KIF26B: variants seen among roughly 807,000 people sequenced by gnomAD.
The protein encoded by KIF26B is kinesin family member 26B.
KIF26B carries 63 observed loss-of-function variants against 151.2 expected under a neutral mutation model. The observed-to-expected ratio is 0.42, with a 90% CI of 0.34 to 0.51. The LOEUF is 0.51. Ranked by LOEUF, KIF26B falls within the 20% of genes least tolerant of loss-of-function variation. The probability of loss-of-function intolerance (pLI) is 0.07; values close to 1 mark genes in which losing one functional copy is unlikely to be tolerated. For missense variants in KIF26B, 2,813 were observed against 2,913.6 expected (o/e 0.97, Z 0.79); for synonymous variants, 1,357 against 1,262.1 (o/e 1.08, Z -1.59).
rs1669891210 is a variant in KIF26B at position 245,227,069 on chromosome 1, C to G, written c.465+70386C>G. Among the ~76,000 whole-genome samples, 1 of 152,200 alleles carries G rather than the reference C, an allele frequency of 6.6e-6. No homozygotes were observed. Among genetic ancestry groups the G allele is most frequent in the Admixed American group, 6.5e-5 (1 of 15,290 alleles). Reference sequence around the variant, plus strand: ...GGTGCACCATTCACTCAGTCCACCCCTAGCACGGGCCAGTCCTATGTCGTT... The same window carrying G: ...GGTGCACCATTCACTCAGTCCACCCGTAGCACGGGCCAGTCCTATGTCGTT... On this transcript the variant is annotated intron_variant, in intron 2 of 14. Coordinates refer to ENST00000407071, the MANE Select transcript of KIF26B (RefSeq NM_018012.4). The surrounding 1 kb of genome is among the most constrained non-coding windows in gnomAD (Gnocchi z 4.1).
intron 12 of KIF26B, among the ~76,000 whole-genome samples, chr1:245,693,201 A>G (rs2044649130): frequency 6.6e-6 from 1 of 152,096 alleles, no homozygotes; most frequent in Non-Finnish European, 1.5e-5. Context: ...CTTGGTCTGA[A>G]TTAAATTCAT....
chr1:245,454,914 G>A (rs1441118844), intron 4 of KIF26B, among the ~76,000 whole-genome samples: 4 of 152,152 alleles, frequency 2.6e-5, no homozygotes, highest in Non-Finnish European at 5.9e-5. Flanking sequence ...TGTAAAGCTG[G>A]AGTCTCAGTT....
At chr1:245,553,386 C>T (rs1661939268) in intron 5 of KIF26B, among the ~76,000 whole-genome samples, 2 of 152,112 alleles carry the variant, frequency 1.3e-5, no homozygotes, top group East Asian at 1.9e-4. Context: ...TCCTGGCTGG[C>T]GTGCTGCAGC....
At chr1:245,228,308 A>G (rs1223309979) in intron 2 of KIF26B, among the ~76,000 whole-genome samples, 1 of 152,160 alleles carries the variant, frequency 6.6e-6, no homozygotes, top group Non-Finnish European at 1.5e-5. Flanking sequence ...ATCTCCAGGT[A>G]TCTTCCCATG....
At chr1:245,480,518 G>C (rs540156621) in intron 4 of KIF26B, among the ~76,000 whole-genome samples, 1 of 151,794 alleles carries the variant, frequency 6.6e-6, no homozygotes, top group African/African-American at 2.4e-5. Context: ...ACAGGCCCTC[G>C]TGCTTCTGTG....
In KIF26B at chr1:245,682,116, G is replaced by A. The variant is rs1054607896; in HGVS notation, c.2259-2117G>A. On this transcript the variant is annotated intron_variant, in intron 10 of 14. Coordinates refer to ENST00000407071, the MANE Select transcript of KIF26B (RefSeq NM_018012.4). ...AAAAATTAGCTGGGTGTGGTGGCGC[G>A]TGCCTGTAGTCCCAGCTACTCCGGA... 2.0e-4 allele frequency among the ~76,000 whole-genome samples: 30 copies of A among 152,276 alleles called. 1 individual carries two copies. Among genetic ancestry groups the A allele is most frequent in the African/African-American group, 6.0e-4 (25 of 41,552 alleles).
At chr1:245,461,763 A>C (rs1659652809) in intron 4 of KIF26B, among the ~76,000 whole-genome samples, 1 of 152,152 alleles carries the variant, frequency 6.6e-6, no homozygotes, top group Non-Finnish European at 1.5e-5. Flanking sequence ...TCTTCAGACA[A>C]GAATAGTATT....
At chr1:245,551,898 T>C (rs1285375216) in intron 5 of KIF26B, among the ~76,000 whole-genome samples, 1 of 152,064 alleles carries the variant, frequency 6.6e-6, no homozygotes, top group African/African-American at 2.4e-5. Flanking sequence ...CCCCCCAAAG[T>C]TTCTCCTCAT....
chr1:245,341,769 A>T (rs578169881), intron 2 of KIF26B, among the ~76,000 whole-genome samples: 3 of 152,230 alleles, frequency 2.0e-5, no homozygotes, highest in Admixed American at 6.5e-5. Flanking sequence ...CATCTAAATG[A>T]TCTGTGTCTC....
chr1:245,341,396 C>T (rs2102995985), intron 2 of KIF26B, among the ~76,000 whole-genome samples: 1 of 148,594 alleles, frequency 6.7e-6, no homozygotes, highest in South Asian at 2.1e-4. Context: ...TATGGCTCAC[C>T]ACAGCCTCAA....
intron 3 of KIF26B, chr1:245,370,610 G>A (rs1041565176): frequency 4.6e-5 from 21 of 456,728 alleles, no homozygotes; most frequent in Non-Finnish European, 7.0e-5. Context: ...GGCAGGGGCC[G>A]GTTAGAAGAC....
chr1:245,200,029 C>G (rs548521326), intron 2 of KIF26B, among the ~76,000 whole-genome samples: 1 of 152,200 alleles, frequency 6.6e-6, no homozygotes, highest in Admixed American at 6.5e-5. Context: ...TCTACACTTC[C>G]GTGCTATCAT....
chr1:245,499,169 C>G (rs1358893380), intron 4 of KIF26B, among the ~76,000 whole-genome samples: 2 of 152,098 alleles, frequency 1.3e-5, no homozygotes, highest in African/African-American at 4.8e-5. Context: ...ATGGGAGCTT[C>G]AAACTCAGGA....
At chr1:245,464,651 T>TGTGC (rs1572075166) in intron 4 of KIF26B, among the ~76,000 whole-genome samples, 2 of 149,906 alleles carry the variant, frequency 1.3e-5, no homozygotes, top group African/African-American at 2.5e-5. Flanking sequence ...TGTGTGTGGG[T>TGTGC]GTGCGTGTGT....
intron 4 of KIF26B, among the ~76,000 whole-genome samples, chr1:245,509,476 T>C (rs1660788149): frequency 6.6e-6 from 1 of 152,220 alleles, no homozygotes; most frequent in Admixed American, 6.5e-5. Context: ...CCATTCACCT[T>C]CAGTTTCGTT....
At chr1:245,216,493 G>A (rs1415470806) in intron 2 of KIF26B, among the ~76,000 whole-genome samples, 1 of 148,424 alleles carries the variant, frequency 6.7e-6, no homozygotes. Flanking sequence ...AAATAAAACT[G>A]TCCCTCAAGG....
intron 3 of KIF26B, among the ~76,000 whole-genome samples, chr1:245,397,995 A>G (rs1673892025): frequency 6.6e-6 from 1 of 152,206 alleles, no homozygotes; most frequent in Non-Finnish European, 1.5e-5. Context: ...TCTAATGAGA[A>G]GAGTTATATA....
At chr1:245,261,656 C>G (rs1021660034) in intron 2 of KIF26B, among the ~76,000 whole-genome samples, 2 of 151,970 alleles carry the variant, frequency 1.3e-5, no homozygotes, top group African/African-American at 4.8e-5. Context: ...GTGATCATAG[C>G]TTACTGCAGC....
chr1:245,611,710 G>A (rs1001847284), intron 8 of KIF26B, 83 bp from the exon 9 acceptor site: 6 of 1,424,696 alleles, frequency 4.2e-6, no homozygotes, highest in Admixed American at 2.0e-5. Context: ...ACAGCCAGCT[G>A]AATGGTGCTG....
Sources: allele counts gnomAD v4.1 joint callset (sites outside exome capture counted in the v4.1 genomes callset), GRCh38; gene constraint gnomAD v4.1.1; non-coding constraint Gnocchi (gnomAD v3.1); transcripts MANE v1.5; gene names NCBI Gene and HGNC (gene_info 2026-07-23, HGNC 2026-07-21).